Variants in LSS observed in about 807,000 individuals in gnomAD.
LSS encodes 2,3-epoxysqualene-lanosterol cyclase.
LSS carries 90 observed loss-of-function variants against 110.3 expected under a neutral mutation model. The observed-to-expected ratio is 0.82, with a 90% CI of 0.69 to 0.97. The LOEUF (loss-of-function observed/expected upper bound fraction) is 0.97. LSS is among the 50% of genes least tolerant of loss of function. The pLI is 0.00. For synonymous variants in LSS, 433 were observed against 400.0 expected (o/e 1.08, Z -0.98); for missense variants, 927 against 990.0 (o/e 0.94, Z 0.85).
chr21:46,217,256 A>G (rs2080218970), intron 6 of LSS, among the ~76,000 whole-genome samples: 4 of 127,108 alleles, frequency 3.1e-5, no homozygotes, highest in African/African-American at 5.5e-5. Context: ...AAAAAAAAAA[A>G]AGAAAAGAAA....
At chr21:46,196,562 G>A (rs1444497654) in intron 17 of LSS, among the ~76,000 whole-genome samples, 1 of 152,082 alleles carries the variant, frequency 6.6e-6, no homozygotes, top group Admixed American at 6.5e-5. Flanking sequence ...CAGTGACCCA[G>A]GCTTGAGCAA....
chr21:46,215,876 T>C, intron 7 of LSS, 83 bp from the exon 8 acceptor site: 1 of 909,414 alleles, frequency 1.1e-6, no homozygotes, highest in Non-Finnish European at 1.7e-6. Context: ...CCTCCCACCA[T>C]CCGCCCTCAG....
intron 15 of LSS, 84 bp downstream of exon 15, chr21:46,207,344 T>C: frequency 6.6e-7 from 1 of 1,519,310 alleles, no homozygotes. Flanking sequence ...TGTGCTGGGC[T>C]GGAGCCCACA....
At chr21:46,219,603 C>T (rs758529948) in intron 5 of LSS, 31 bp from the exon 6 acceptor site, 3 of 1,414,830 alleles carry the variant, frequency 2.1e-6, no homozygotes, top group Middle Eastern at 3.6e-4. Flanking sequence ...CCCACGTCAT[C>T]TGCTTCCTGT....
At chr21:46,219,895 G>A (rs1252532572) in intron 5 of LSS, among the ~76,000 whole-genome samples, 3 of 152,208 alleles carry the variant, frequency 2.0e-5, no homozygotes, top group Admixed American at 2.0e-4. Flanking sequence ...GGACACCTCA[G>A]TGCTCAGGTG....
Position 46,216,249 on chromosome 21 carries a change from G to A in LSS, c.783+140C>T, listed in dbSNP as rs1051984559. Reference sequence around the variant, plus strand: ...CACTGTTTATTATAGGATGGAGGAAGGTGGAGGCTCTGCTCCACAGGGCTC... The same window carrying A: ...CACTGTTTATTATAGGATGGAGGAAAGTGGAGGCTCTGCTCCACAGGGCTC... On this transcript the variant is annotated intron_variant, in intron 7 of 21. Transcript: ENST00000397728. The surrounding 1 kb of genome is among the most constrained non-coding windows in gnomAD (Gnocchi z 4.2). 7.0e-6 allele frequency: 7 copies of A among 998,182 alleles called. No individual in the cohort carries two copies. In the African/African-American group the frequency reaches 9.6e-5, roughly 14 times the overall value. 61.8% of individuals were successfully genotyped at this position (998,182 alleles called of 1,614,324 possible).
chr21:46,219,000 C>T (rs957548691), intron 6 of LSS, among the ~76,000 whole-genome samples: 3 of 152,194 alleles, frequency 2.0e-5, no homozygotes, highest in Non-Finnish European at 4.4e-5. Context: ...GCTGGGATTA[C>T]AGGCATGAGC....
chr21:46,226,492 T>C (rs1436462832), intron 3 of LSS, among the ~76,000 whole-genome samples: 1 of 152,230 alleles, frequency 6.6e-6, no homozygotes, highest in East Asian at 1.9e-4. Flanking sequence ...AACTCAATGC[T>C]GTACAGTCCA....
chr21:46,210,411 T>C (rs572461295), intron 12 of LSS, among the ~76,000 whole-genome samples: 13 of 152,040 alleles, frequency 8.6e-5, no homozygotes, highest in Non-Finnish European at 1.5e-5. Flanking sequence ...CACTCCTGCC[T>C]GCACTCTCAG....
At chr21:46,194,435 T>C in intron 20 of LSS, 56 bp downstream of exon 20, 1 of 1,599,656 alleles carries the variant, frequency 6.3e-7, no homozygotes, top group Non-Finnish European at 8.5e-7. Context: ...GGCTCACAGC[T>C]GAGTGTCCCT....
At position 46,192,184 on chromosome 21, in the gene LSS, G is replaced by T. The variant is rs1569014401; in HGVS notation, c.1989-225C>A. 5.0e-6 allele frequency: 3 copies of T among 602,630 alleles called. No individual in the cohort carries two copies. In the South Asian group the frequency reaches 5.8e-5, roughly 12 times the overall value. The allele number at this position is 602,630 out of a possible 1,614,324, so 37.3% of individuals were successfully genotyped here. On this transcript the variant is annotated intron_variant, in intron 20 of 21. Coordinates refer to ENST00000397728, the MANE Select transcript of LSS (RefSeq NM_002340.6). ...AGCGGAGCCACAGCAATGACAGGCT[G>T]GGGACACAGGCCTCCTCAGGCCTGC...
chr21:46,206,011 A>C (rs1279789593), intron 16 of LSS, 70 bp from the exon 17 acceptor site: 1 of 1,185,668 alleles, frequency 8.4e-7, no homozygotes. Context: ...GCTCAGGCAA[A>C]GCCACAACAA....
In LSS at chr21:46,209,523, GC is replaced by G. The variant is rs1286598963; in HGVS notation, c.1266+30del. The G allele has an allele frequency of 6.3e-7, 1 of 1,577,228 alleles. No homozygotes were observed. The highest frequency in any genetic ancestry group is 8.6e-7 in the Non-Finnish European group (1 of 1,160,192). ...CTCCCAGCCCTGATCCCCCTCTTCA[GC>G]CCCCTCAGAGCCCCAGGCACCGGCC... On this transcript the variant is annotated intron_variant, in intron 13 of 21. Transcript: ENST00000397728. This position sits in a 1 kb window ranked among gnomAD's most constrained non-coding sequence, Gnocchi z 4.4.
chr21:46,222,269 G>A (rs988857739), intron 4 of LSS: 1 of 530,726 alleles, frequency 1.9e-6, no homozygotes, highest in Admixed American at 3.4e-5. Context: ...CTATGGCTCT[G>A]CTCCCAAAGT....
intron 3 of LSS, 137 bp downstream of exon 3, chr21:46,227,415 G>C: frequency 1.9e-6 from 2 of 1,076,862 alleles, no homozygotes; most frequent in Non-Finnish European, 2.6e-6. Context: ...TCTGACATAG[G>C]GCAGAGTTTG....
At chr21:46,210,664 G>A (rs1179595930) in intron 12 of LSS, 24 bp downstream of exon 12, 3 of 1,612,900 alleles carry the variant, frequency 1.9e-6, no homozygotes, top group African/African-American at 2.7e-5. Context: ...AGCTGAGGCT[G>A]AGAAAAGAGA....
chr21:46,207,700 C>T, intron 14 of LSS, 123 bp from the exon 15 acceptor site: 2 of 1,173,758 alleles, frequency 1.7e-6, no homozygotes, highest in Non-Finnish European at 2.4e-6. Context: ...GGCCCAGCCA[C>T]CAAAGGTGTG....
At chr21:46,196,365 C>T in intron 17 of LSS, 98 bp from the exon 18 acceptor site, 1 of 1,003,274 alleles carries the variant, frequency 1.0e-6, no homozygotes, top group East Asian at 2.4e-5. Context: ...TGAGAATGGT[C>T]TCCCTTAAAA....
rs529353746 is a variant in LSS at position 46,189,330 on chromosome 21, G to A, written c.*1774C>T. 7.6e-5 allele frequency: 21 copies of A among 275,626 alleles called. No homozygotes were observed. The highest frequency in any genetic ancestry group is 5.7e-5 in the Non-Finnish European group (8 of 140,760). 17.1% of individuals were successfully genotyped at this position (275,626 alleles called of 1,614,324 possible). A position where few individuals can be genotyped will look rare whatever the true frequency, so the allele number is the denominator to read the frequency against. On this transcript the variant is annotated 3_prime_UTR_variant, in exon 22 of 22. Transcript: ENST00000397728. ...ACTGTCTGTCCTGCTGCTACCCCAC[G>A]TGGGGGAGAACACGTGGGCTGAGAA...
Sources: allele counts gnomAD v4.1 joint callset (sites outside exome capture counted in the v4.1 genomes callset), GRCh38; gene constraint gnomAD v4.1.1; non-coding constraint Gnocchi (gnomAD v3.1); transcripts MANE v1.5; gene names NCBI Gene and HGNC (gene_info 2026-07-23, HGNC 2026-07-21).